Variants in ST8SIA5 observed in about 807,000 individuals in gnomAD.
ST8SIA5 encodes the protein alpha-2,8-sialyltransferase 8E.
ST8SIA5 carries 24 observed loss-of-function variants against 40.2 expected under a neutral mutation model. The observed-to-expected ratio is 0.60, with a 90% CI of 0.43 to 0.84. The LOEUF (loss-of-function observed/expected upper bound fraction) is 0.84. Among genes scored for constraint, ST8SIA5 ranks in the 40% least tolerant of loss-of-function variants. The pLI is 0.00. For synonymous variants in ST8SIA5, 198 were observed against 201.8 expected, an observed-to-expected ratio of 0.98 and a Z score of 0.16; for missense variants, 465 against 498.5, an observed-to-expected ratio of 0.93 and a Z score of 0.64.
chr18:46,728,807 C>T (rs1197998376), intron 1 of ST8SIA5, among the ~76,000 whole-genome samples: 1 of 152,202 alleles, frequency 6.6e-6, no homozygotes, highest in Admixed American at 6.5e-5. Flanking sequence ...AAGGCAGCTG[C>T]TTCCTAGATG....
chr18:46,673,995 A>G lies in ST8SIA5; in HGVS notation c.*6047T>C, dbSNP rs1303367939. 1 of 152,184 alleles carries G rather than the reference A, an allele frequency of 6.6e-6. No individual in the cohort carries two copies. Among genetic ancestry groups the G allele is most frequent in the Non-Finnish European group, 1.5e-5 (1 of 68,100 alleles). The allele number at this position is 152,184 out of a possible 1,614,324, so 9.4% of individuals were successfully genotyped here. A position where few individuals can be genotyped will look rare whatever the true frequency, so the allele number is the denominator to read the frequency against. Reference sequence around the variant, plus strand: ...AGAGAAGCAGCACCTTTTTTCCCCCAGGAAACAACCCCATGCTCCTGGTCT... The same window carrying G: ...AGAGAAGCAGCACCTTTTTTCCCCCGGGAAACAACCCCATGCTCCTGGTCT... On this transcript the variant is annotated 3_prime_UTR_variant, in exon 7 of 7. Coordinates refer to ENST00000315087, the MANE Select transcript of ST8SIA5 (RefSeq NM_013305.6).
intron 1 of ST8SIA5, among the ~76,000 whole-genome samples, chr18:46,737,705 T>A (rs561597253): frequency 6.6e-6 from 1 of 152,322 alleles, no homozygotes; most frequent in South Asian, 2.1e-4. Context: ...TTAAATGAAA[T>A]AATCTTCATT....
At chr18:46,692,134 A>G in intron 3 of ST8SIA5, 35 bp downstream of exon 3, 1 of 1,607,972 alleles carries the variant, frequency 6.2e-7, no homozygotes, top group Non-Finnish European at 8.5e-7. Context: ...GGAGAATCAT[A>G]CAAGGAGAAG....
chr18:46,736,671 A>T (rs956858743), intron 1 of ST8SIA5, among the ~76,000 whole-genome samples: 3 of 151,974 alleles, frequency 2.0e-5, no homozygotes, highest in African/African-American at 7.3e-5. Flanking sequence ...AAGAATGGGG[A>T]GTTGGCAGGT....
intron 6 of ST8SIA5, among the ~76,000 whole-genome samples, chr18:46,681,014 C>T (rs1002532839): frequency 6.6e-6 from 1 of 152,190 alleles, no homozygotes; most frequent in African/African-American, 2.4e-5. Flanking sequence ...CTCTGTCATC[C>T]AGGCTGGAGT....
intron 2 of ST8SIA5, 83 bp downstream of exon 2, chr18:46,704,489 C>T: frequency 8.1e-7 from 1 of 1,239,962 alleles, no homozygotes; most frequent in Non-Finnish European, 1.2e-6. Context: ...TGTTTCCTTC[C>T]ACCCTTGCCC....
At chr18:46,711,855 C>T (rs573645294) in intron 1 of ST8SIA5, among the ~76,000 whole-genome samples, 116 of 152,362 alleles carry the variant, frequency 7.6e-4, no homozygotes, top group Admixed American at 1.1e-3. Context: ...CACCTGCCCT[C>T]TTTGGGCCAC....
intron 2 of ST8SIA5, among the ~76,000 whole-genome samples, chr18:46,692,828 C>T (rs1346005857): frequency 1.3e-5 from 2 of 152,028 alleles, no homozygotes; most frequent in African/African-American, 2.4e-5. Context: ...AGCCCACACC[C>T]TCAACCACCT....
chr18:46,721,529 C>T, intron 1 of ST8SIA5: 1 of 1,367,034 alleles, frequency 7.3e-7, no homozygotes, highest in Admixed American at 2.0e-5. Flanking sequence ...GCCTGCCTAC[C>T]AGAGAGCCAC....
At chr18:46,730,064 G>A (rs529346211) in intron 1 of ST8SIA5, 2 of 628,296 alleles carry the variant, frequency 3.2e-6, no homozygotes, top group Middle Eastern at 7.9e-4. Context: ...GAGGGAGAAG[G>A]TTCTGGATAA....
chr18:46,688,043 C>G (rs1255060319), intron 4 of ST8SIA5, among the ~76,000 whole-genome samples: 1 of 152,226 alleles, frequency 6.6e-6, no homozygotes, highest in African/African-American at 2.4e-5. Flanking sequence ...CATCAGTGAT[C>G]TGAACAGTTC....
intron 1 of ST8SIA5, among the ~76,000 whole-genome samples, chr18:46,712,430 C>T (rs1340468309): frequency 6.6e-6 from 1 of 152,188 alleles, no homozygotes; most frequent in East Asian, 1.9e-4. Flanking sequence ...TCGGTCTTCT[C>T]CCCCCTGGGG....
In ST8SIA5 at chr18:46,678,947, T is replaced by G. The variant is rs1033158662; in HGVS notation, c.*1095A>C. On this transcript the variant is annotated 3_prime_UTR_variant, in exon 7 of 7. Transcript: ENST00000315087. ...TGCCCCAAGCCCAGGCCCTGGGGTC[T>G]GCTGTGAGAAGTCCCGCCTTCACAG... The G allele has an allele frequency of 1.2e-4, 18 of 152,266 alleles. No homozygotes were observed. Among genetic ancestry groups the G allele is most frequent in the African/African-American group, 4.1e-4 (17 of 41,468 alleles). 9.4% of individuals were successfully genotyped at this position (152,266 alleles called of 1,614,324 possible). A position where few individuals can be genotyped will look rare whatever the true frequency, so the allele number is the denominator to read the frequency against.
At chr18:46,710,363 TTTTCTTTCTTTCTTTCTTTC>T (rs71162817) in intron 1 of ST8SIA5, among the ~76,000 whole-genome samples, 2,250 of 114,464 alleles carry the variant, frequency 0.02, 46 homozygotes, top group African/African-American at 0.059. Context: ...TCCTTCTTTC[TTTTCTTTCTTTCTTTCTTTC>T]TTTCTTTCTT....
Position 46,682,009 on chromosome 18 carries a change from C to CCGT in ST8SIA5, c.622_624dup (p.Thr208dup). The CCGT allele has an allele frequency of 6.2e-7, 1 of 1,613,776 alleles. No individual in the cohort carries two copies. The highest frequency in any genetic ancestry group is 1.7e-4 in the Middle Eastern group (1 of 6,024). On this transcript the variant is annotated inframe_insertion, in exon 6 of 7. Coordinates refer to ENST00000315087, the MANE Select transcript of ST8SIA5 (RefSeq NM_013305.6). ...ATGCTGGGGTTCACAGTGACCACAT[C>CCGT]CGTCTTCACCCCCACATCCATGGTG...
In ST8SIA5 at chr18:46,756,374, T is replaced by C; in HGVS notation, c.131+4A>G. Reference sequence around the variant, plus strand: ...CATCCCGCCCTCTCAATGGACTTTCTTACCTCTTAATGTAGTTCCTGCCAT... The same window carrying C: ...CATCCCGCCCTCTCAATGGACTTTCCTACCTCTTAATGTAGTTCCTGCCAT... On this transcript the variant is annotated splice_donor_region_variant and intron_variant, in intron 1 of 6. Coordinates refer to ENST00000315087, the MANE Select transcript of ST8SIA5 (RefSeq NM_013305.6). 1.2e-6 allele frequency: 2 copies of C among 1,611,774 alleles called. No individual in the cohort carries two copies. The highest frequency in any genetic ancestry group is 3.3e-5 in the Admixed American group (2 of 59,916).
chr18:46,701,274 G>A (rs974438515), intron 2 of ST8SIA5, among the ~76,000 whole-genome samples: 1 of 151,488 alleles, frequency 6.6e-6, no homozygotes, highest in Non-Finnish European at 1.5e-5. Context: ...CCGAGTAGCT[G>A]GGATTACAGG....
In ST8SIA5 at chr18:46,704,718, C is replaced by A. The variant is rs1034629724; in HGVS notation, c.132-54G>T. On this transcript the variant is annotated intron_variant, in intron 1 of 6. Transcript: ENST00000315087. ...GAGAAGCAGGTCAGGATGTCCAGGG[C>A]CTGCAGGGGCTCTTGTTGCAGGGTG... The A allele has an allele frequency of 7.0e-6, 10 of 1,425,722 alleles. No homozygotes were observed. The African/African-American group carries it at 1.4e-4, about 20-fold the overall frequency. The allele number at this position is 1,425,722 out of a possible 1,614,324, so 88.3% of individuals were successfully genotyped here.
chr18:46,689,086 A>T, intron 3 of ST8SIA5, 167 bp from the exon 4 acceptor site: 1 of 712,918 alleles, frequency 1.4e-6, no homozygotes, highest in East Asian at 3.0e-5. Flanking sequence ...CTGCCCACCC[A>T]TCCCACACAC....
Sources: gnomAD v4.1 joint callset for allele counts (sites outside exome capture counted in the v4.1 genomes callset) on GRCh38, gnomAD v4.1.1 for gene constraint, MANE v1.5 for transcripts, NCBI Gene and HGNC (gene_info 2026-07-23, HGNC 2026-07-21) for gene names.